The following ARHGAP6 variants were observed in gnomAD, a reference collection of about 807,000 sequenced individuals.
ARHGAP6 encodes rho GTPase-activating protein 6.
A neutral mutation model predicts 55.7 loss-of-function variants in ARHGAP6; 16 were observed. The ratio of observed to expected loss-of-function variants is 0.29; its 90% CI spans 0.19 to 0.44. The LOEUF is 0.44. Among genes scored for constraint, ARHGAP6 ranks in the 20% least tolerant of loss-of-function variants. ARHGAP6 has a pLI of 1.00. For missense variants in ARHGAP6, 698 were observed against 808.9 expected (o/e 0.86, Z 1.66); for synonymous variants, 382 against 360.9 (o/e 1.06, Z -0.66).
chrX:11,533,816 T>C (rs2147064536), intron 1 of ARHGAP6, among the ~76,000 whole-genome samples: 1 of 112,403 alleles, frequency 8.9e-6, no homozygotes, highest in East Asian at 2.8e-4. Flanking sequence ...ATGCATCATC[T>C]TGCAGTCATT....
chrX:11,154,293 G>A (rs986165469), intron 10 of ARHGAP6, among the ~76,000 whole-genome samples: 4 of 111,777 alleles, frequency 3.6e-5, no homozygotes, highest in African/African-American at 1.3e-4. Flanking sequence ...TTGGTCTAGG[G>A]TCTGCTCACC....
intron 9 of ARHGAP6, among the ~76,000 whole-genome samples, chrX:11,162,959 C>T (rs1212691659): frequency 8.9e-6 from 1 of 111,941 alleles, no homozygotes; most frequent in Non-Finnish European, 1.9e-5. Context: ...TAGTGAAAGA[C>T]ATATTACATT....
intron 9 of ARHGAP6, among the ~76,000 whole-genome samples, chrX:11,164,757 C>A (rs1484359763): frequency 8.9e-6 from 1 of 112,061 alleles, no homozygotes; most frequent in Non-Finnish European, 1.9e-5. Context: ...CTTTCTTGCC[C>A]CTCTCCTAAG....
intron 9 of ARHGAP6, among the ~76,000 whole-genome samples, chrX:11,156,839 A>G (rs2045871517): frequency 8.9e-6 from 1 of 112,604 alleles, no homozygotes; most frequent in African/African-American, 3.2e-5. Context: ...ATTCAATCCA[A>G]AATGTCACCC....
chrX:11,584,508 C>A (rs1198878137), intron 1 of ARHGAP6, among the ~76,000 whole-genome samples: 1 of 111,693 alleles, frequency 9.0e-6, no homozygotes, highest in Admixed American at 9.6e-5. Flanking sequence ...GGTATTCATC[C>A]TCATGCTCTC....
intron 10 of ARHGAP6, among the ~76,000 whole-genome samples, chrX:11,154,149 A>AT (rs372946829): frequency 0.15 from 16,450 of 110,871 alleles, 1,084 homozygotes; most frequent in Middle Eastern, 0.24. Flanking sequence ...TGAACTCTTC[A>AT]TTTTTTATGG....
At chrX:11,207,574 C>G (rs781159900) in intron 2 of ARHGAP6, among the ~76,000 whole-genome samples, 18 of 111,549 alleles carry the variant, frequency 1.6e-4, no homozygotes, top group Non-Finnish European at 3.2e-4. Context: ...TACACTGGCT[C>G]TATCTATGGG....
At chrX:11,341,345 T>C (rs1401175375) in intron 1 of ARHGAP6, among the ~76,000 whole-genome samples, 1 of 111,679 alleles carries the variant, frequency 9.0e-6, no homozygotes, top group Non-Finnish European at 1.9e-5. Context: ...ATGGTCAAAG[T>C]ACTGACTCAA....
At chrX:11,337,248 A>C (rs2048650093) in intron 1 of ARHGAP6, among the ~76,000 whole-genome samples, 1 of 111,632 alleles carries the variant, frequency 9.0e-6, no homozygotes, top group African/African-American at 3.3e-5. Flanking sequence ...TATACAACAT[A>C]CACTATATAT....
chrX:11,550,306 T>C (rs1237534945), intron 1 of ARHGAP6, among the ~76,000 whole-genome samples: 2 of 111,879 alleles, frequency 1.8e-5, no homozygotes, highest in Non-Finnish European at 3.8e-5. Context: ...AAATCACTGG[T>C]TATAAAAAAT....
chrX:11,174,518 T>TTTCCTTTCTTTCCTTCC (rs1812251863), intron 8 of ARHGAP6, among the ~76,000 whole-genome samples: 6 of 69,545 alleles, frequency 8.6e-5, no homozygotes, highest in Admixed American at 8.1e-4. Flanking sequence ...TCTTTCTTTC[T>TTTCCTTTCTTTCCTTCC]TTCCTTCCTT....
chrX:11,200,846 T>G (rs1172476205), intron 2 of ARHGAP6, among the ~76,000 whole-genome samples: 1 of 112,389 alleles, frequency 8.9e-6, no homozygotes, highest in East Asian at 2.8e-4. Flanking sequence ...TAAAACAGTA[T>G]TTTCCATATT....
At chrX:11,363,223 A>G (rs1448219818) in intron 1 of ARHGAP6, among the ~76,000 whole-genome samples, 2 of 111,937 alleles carry the variant, frequency 1.8e-5, no homozygotes, top group Non-Finnish European at 3.8e-5. Context: ...CAGCACCCAG[A>G]TGGTGTTGAC....
chrX:11,193,134 C>A (rs765438383), intron 3 of ARHGAP6, among the ~76,000 whole-genome samples: 40 of 112,154 alleles, frequency 3.6e-4, no homozygotes, highest in African/African-American at 1.2e-3. Flanking sequence ...TATATCAAGG[C>A]AATTAAATAA....
At chrX:11,175,912 C>G (rs2046206831) in intron 8 of ARHGAP6, among the ~76,000 whole-genome samples, 1 of 108,473 alleles carries the variant, frequency 9.2e-6, no homozygotes. Context: ...TAGACTGGCT[C>G]AGGTTCTATG....
chrX:11,160,456 C>CA (rs558867795), intron 9 of ARHGAP6, among the ~76,000 whole-genome samples: 17,354 of 75,254 alleles, frequency 0.23, 1,452 homozygotes, highest in Middle Eastern at 0.38. Context: ...GACTCTGTCT[C>CA]AAAAAAAAAA....
chrX:11,178,872 T>C (rs1347035057), intron 7 of ARHGAP6, among the ~76,000 whole-genome samples: 1 of 111,700 alleles, frequency 9.0e-6, no homozygotes, highest in Non-Finnish European at 1.9e-5. Flanking sequence ...GAAGCAGCTA[T>C]GTTGAAAGCC....
intron 1 of ARHGAP6, among the ~76,000 whole-genome samples, chrX:11,568,238 T>C (rs1275052269): frequency 8.9e-6 from 1 of 112,335 alleles, no homozygotes; most frequent in East Asian, 2.8e-4. Context: ...CCCAGGTACA[T>C]GCCATATAGC....
chrX:11,267,019 A>T (rs1376126924), intron 1 of ARHGAP6, among the ~76,000 whole-genome samples: 1 of 111,537 alleles, frequency 9.0e-6, no homozygotes, highest in East Asian at 2.8e-4. Flanking sequence ...AGTAAAATCT[A>T]CCTGTTACTG....
Sources: gnomAD v4.1 joint callset for allele counts (sites outside exome capture counted in the v4.1 genomes callset) on GRCh38, gnomAD v4.1.1 for gene constraint, MANE v1.5 for transcripts, NCBI Gene and HGNC (gene_info 2026-07-23, HGNC 2026-07-21) for gene names.